Variants in FMN2 observed in about 807,000 individuals in gnomAD.
FMN2 encodes the protein formin-2.
FMN2 carries 51 observed loss-of-function variants against 142.3 expected under a neutral mutation model. The observed-to-expected ratio is 0.36, with a 90% confidence interval of 0.29 to 0.45. The LOEUF is 0.45. Ranked by LOEUF, FMN2 falls within the 20% of genes least tolerant of loss-of-function variation. The pLI is 1.00. For synonymous variants in FMN2, 882 were observed against 869.8 expected (o/e 1.01, Z -0.25); for missense variants, 1,936 against 2,122.8 (o/e 0.91, Z 1.73).
At chr1:240,220,667 TTGTGTGTGTGTGTG>T (rs71792127) in intron 6 of FMN2, among the ~76,000 whole-genome samples, 2 of 149,094 alleles carry the variant, frequency 1.3e-5, no homozygotes, top group Non-Finnish European at 3.0e-5. Flanking sequence ...GAGTCTGTGT[TTGTGTGTGTGTGTG>T]TGTGTGTGTG....
chr1:240,178,460 T>C (rs890746143), intron 3 of FMN2, among the ~76,000 whole-genome samples: 2 of 151,560 alleles, frequency 1.3e-5, no homozygotes, highest in African/African-American at 2.4e-5. Context: ...TTTTTTTTTT[T>C]TTCTGGACAA....
chr1:240,382,453 G>C (rs1673256539), intron 14 of FMN2, among the ~76,000 whole-genome samples: 1 of 152,092 alleles, frequency 6.6e-6, no homozygotes, highest in African/African-American at 2.4e-5. Context: ...CTGAGGTCAG[G>C]AGTTCGAGAC....
chr1:240,313,667 A>G (rs1334539665), intron 8 of FMN2, among the ~76,000 whole-genome samples: 1 of 152,070 alleles, frequency 6.6e-6, no homozygotes, highest in African/African-American at 2.4e-5. Flanking sequence ...AAAATAATGT[A>G]TATAAAATAG....
At chr1:240,448,850 A>T (rs938219883) in intron 16 of FMN2, among the ~76,000 whole-genome samples, 2 of 152,058 alleles carry the variant, frequency 1.3e-5, no homozygotes, top group Admixed American at 6.6e-5. Flanking sequence ...TATGATAAAA[A>T]GTGGTTAACT....
chr1:240,144,559 AT>A, intron 2 of FMN2: 1 of 1,408,366 alleles, frequency 7.1e-7, no homozygotes, highest in Admixed American at 1.7e-5. Context: ...GCTCCATGTC[AT>A]TGCGCATCAG....
chr1:240,291,829 C>T (rs758923030), intron 7 of FMN2, among the ~76,000 whole-genome samples: 11 of 152,096 alleles, frequency 7.2e-5, no homozygotes, highest in Non-Finnish European at 1.6e-4. Context: ...TAGCAAGGCT[C>T]ACTTGAGCAG....
chr1:240,113,948 C>T (rs542760733), intron 1 of FMN2, among the ~76,000 whole-genome samples: 2 of 152,202 alleles, frequency 1.3e-5, no homozygotes, highest in East Asian at 1.9e-4. Flanking sequence ...ATTTTTGTGT[C>T]ACATATTTCT....
chr1:240,118,177 C>A (rs933840485), intron 1 of FMN2, among the ~76,000 whole-genome samples: 2 of 151,834 alleles, frequency 1.3e-5, no homozygotes, highest in Non-Finnish European at 2.9e-5. Flanking sequence ...GTGAGTGTTG[C>A]GGGGGTTGTG....
chr1:240,278,889 T>C (rs1464700538), intron 7 of FMN2, among the ~76,000 whole-genome samples: 1 of 152,190 alleles, frequency 6.6e-6, no homozygotes, highest in Non-Finnish European at 1.5e-5. Flanking sequence ...TTTGTAATGA[T>C]GGAATGAGAT....
At chr1:240,281,146 A>G (rs1294704743) in intron 7 of FMN2, among the ~76,000 whole-genome samples, 1 of 152,132 alleles carries the variant, frequency 6.6e-6, no homozygotes, top group East Asian at 1.9e-4. Context: ...TATGTCGTTA[A>G]CCTTGTATAA....
chr1:240,103,974 T>G (rs1291414823), intron 1 of FMN2, among the ~76,000 whole-genome samples: 1 of 151,808 alleles, frequency 6.6e-6, no homozygotes, highest in Non-Finnish European at 1.5e-5. Context: ...CCTCCCAGGT[T>G]CACGCCATTC....
At chr1:240,389,733 C>T (rs1309239272) in intron 14 of FMN2, among the ~76,000 whole-genome samples, 1 of 152,100 alleles carries the variant, frequency 6.6e-6, no homozygotes, top group Non-Finnish European at 1.5e-5. Context: ...GGAAGGATTG[C>T]TTGAGCCTCG....
intron 4 of FMN2, among the ~76,000 whole-genome samples, chr1:240,204,074 TC>T (rs147011114): frequency 0.022 from 3,331 of 152,262 alleles, 124 homozygotes; most frequent in African/African-American, 0.075. Flanking sequence ...TGTGTTACAT[TC>T]CTTTATTAGT....
At chr1:240,241,938 C>G (rs553965983) in intron 6 of FMN2, among the ~76,000 whole-genome samples, 1 of 151,002 alleles carries the variant, frequency 6.6e-6, no homozygotes. Context: ...CTCCGCCTCC[C>G]GGGTTCACGC....
intron 8 of FMN2, among the ~76,000 whole-genome samples, chr1:240,322,031 T>A (rs1428108599): frequency 6.6e-6 from 1 of 152,142 alleles, no homozygotes; most frequent in East Asian, 1.9e-4. Context: ...ACCTAGCTTA[T>A]CTATCAAATA....
intron 3 of FMN2, among the ~76,000 whole-genome samples, chr1:240,183,944 A>G (rs1177248375): frequency 6.6e-6 from 1 of 152,168 alleles, no homozygotes; most frequent in African/African-American, 2.4e-5. Context: ...TTTTAACTTA[A>G]AATGTCTGTT....
At chr1:240,361,170 TATATATATATATATAA>T (rs1558452650) in intron 14 of FMN2, among the ~76,000 whole-genome samples, 13 of 83,026 alleles carry the variant, frequency 1.6e-4, no homozygotes, top group African/African-American at 6.6e-4. Context: ...TATATATATA[TATATATATATATATAA>T]AAGAGTTTAA....
chr1:240,217,553 A>G (rs1160714083), intron 6 of FMN2, among the ~76,000 whole-genome samples: 2 of 152,244 alleles, frequency 1.3e-5, no homozygotes, highest in Non-Finnish European at 2.9e-5. Flanking sequence ...TTCCTATTGC[A>G]AGCCTTAAAA....
intron 1 of FMN2, among the ~76,000 whole-genome samples, chr1:240,111,040 G>A (rs1200318493): frequency 6.6e-6 from 1 of 152,164 alleles, no homozygotes; most frequent in African/African-American, 2.4e-5. Flanking sequence ...ACATTTACAA[G>A]TAGAGAGTAT....
Sources: gnomAD v4.1 joint callset for allele counts (sites outside exome capture counted in the v4.1 genomes callset) on GRCh38, gnomAD v4.1.1 for gene constraint, MANE v1.5 for transcripts, NCBI Gene and HGNC (gene_info 2026-07-23, HGNC 2026-07-21) for gene names.